The following TFPI variants were observed in gnomAD, a reference collection of about 807,000 sequenced individuals.
The protein encoded by TFPI is tissue factor pathway inhibitor.
TFPI carries 15 observed loss-of-function variants against 34.6 expected under a neutral mutation model. That is an observed-to-expected ratio of 0.43 (90% CI 0.29 to 0.67). The LOEUF (loss-of-function observed/expected upper bound fraction) is 0.67. Among genes scored for constraint, TFPI ranks in the 30% least tolerant of loss-of-function variants. The probability of loss-of-function intolerance (pLI) is 0.15; values close to 1 mark genes in which losing one functional copy is unlikely to be tolerated. For synonymous variants in TFPI, 105 were observed against 120.1 expected, an observed-to-expected ratio of 0.87 and a Z score of 0.82; for missense variants, 301 against 364.0, an observed-to-expected ratio of 0.83 and a Z score of 1.41.
chr2:187,494,912 G>A (rs936218347), intron 3 of TFPI, among the ~76,000 whole-genome samples: 3 of 151,956 alleles, frequency 2.0e-5, no homozygotes, highest in Non-Finnish European at 2.9e-5. Context: ...TAGTAGGGAC[G>A]GAGTTTCACC....
chr2:187,482,456 T>G (rs1229274667), intron 6 of TFPI, among the ~76,000 whole-genome samples: 1 of 152,092 alleles, frequency 6.6e-6, no homozygotes. Flanking sequence ...CACAAAAGTA[T>G]TAATTTTTAC....
chr2:187,495,044 A>G (rs1397693112), intron 3 of TFPI, among the ~76,000 whole-genome samples: 1 of 152,168 alleles, frequency 6.6e-6, no homozygotes, highest in Non-Finnish European at 1.5e-5. Context: ...TTGATAGATA[A>G]TGAGGAGATG....
intron 3 of TFPI, among the ~76,000 whole-genome samples, chr2:187,490,580 T>G (rs1242421425): frequency 6.6e-6 from 1 of 151,654 alleles, no homozygotes; most frequent in African/African-American, 2.4e-5. Flanking sequence ...TTTCTATCCT[T>G]TCACTTTTAA....
chr2:187,522,413 A>G (rs1687428501), intron 1 of TFPI, among the ~76,000 whole-genome samples: 1 of 152,050 alleles, frequency 6.6e-6, no homozygotes, highest in South Asian at 2.1e-4. Flanking sequence ...AGTGGGGAAA[A>G]TAGAGTGCTT....
At chr2:187,490,633 A>C (rs1009346968) in intron 3 of TFPI, among the ~76,000 whole-genome samples, 1 of 151,546 alleles carries the variant, frequency 6.6e-6, no homozygotes, top group Non-Finnish European at 1.5e-5. Context: ...TATAGACAAC[A>C]TGTAGTTAGT....
In TFPI at chr2:187,473,618, G is replaced by A. The variant is rs116354297; in HGVS notation, c.629-5686C>T. 2.0e-3 allele frequency among the ~76,000 whole-genome samples: 297 copies of A among 152,180 alleles called. 2 individuals are homozygous for A. The highest frequency in any genetic ancestry group is 6.8e-3 in the African/African-American group (282 of 41,544). ...CTGAGGTAATAGATAAAAGCCTAGA[G>A]ATTAGAGATTGGAATCTGTTTCTGA... On this transcript the variant is annotated intron_variant, in intron 6 of 7. Transcript: ENST00000233156.
chr2:187,529,394 G>A (rs1400997497), intron 1 of TFPI: 5 of 152,238 alleles, frequency 3.3e-5, no homozygotes, highest in Non-Finnish European at 7.3e-5. Context: ...CCAAGATCAA[G>A]GTGCTGGTCC....
chr2:187,496,936 T>C lies in TFPI; in HGVS notation c.264A>G (p.Glu88=). ...GACTTTCAAATCGATTCTGATTTCC[T>C]TCACATCCCCCATATATAAATTCTT... ...QCEEFIYGGC[E]GNQNRFESLE... Residue 88 remains glutamate (E), a synonymous_variant, in exon 3 of 8, where the codon GAA becomes GAG. Coordinates refer to ENST00000233156, the MANE Select transcript of TFPI (RefSeq NM_006287.6). The C allele has an allele frequency of 6.2e-7, 1 of 1,613,416 alleles. No individual in the cohort carries two copies.
intron 1 of TFPI, among the ~76,000 whole-genome samples, chr2:187,550,653 A>G (rs2106335268): frequency 6.6e-6 from 1 of 152,314 alleles, no homozygotes; most frequent in African/African-American, 2.4e-5. Context: ...GAATTAGCAG[A>G]CAAAAATATT....
At chr2:187,521,348 C>T (rs1161564759) in intron 1 of TFPI, among the ~76,000 whole-genome samples, 4 of 152,090 alleles carry the variant, frequency 2.6e-5, no homozygotes, top group Middle Eastern at 3.4e-3. Context: ...TAAAAAGATA[C>T]TTGAATTGTT....
intron 3 of TFPI, among the ~76,000 whole-genome samples, chr2:187,495,559 A>T (rs1011745866): frequency 1.8e-4 from 27 of 152,198 alleles, no homozygotes; most frequent in Non-Finnish European, 1.6e-4. Context: ...TTAAAGAAAT[A>T]TATTCGTGTC....
chr2:187,473,920 C>T (rs1196547935), intron 6 of TFPI, among the ~76,000 whole-genome samples: 1 of 151,848 alleles, frequency 6.6e-6, no homozygotes, highest in Non-Finnish European at 1.5e-5. Flanking sequence ...GAGTGAAAAC[C>T]TGCCCAGACA....
intron 3 of TFPI, 22 bp from the exon 4 acceptor site, chr2:187,488,397 C>A (rs1693446679): frequency 2.1e-6 from 3 of 1,436,244 alleles, no homozygotes; most frequent in African/African-American, 1.5e-5. Flanking sequence ...AGAATATATG[C>A]ATATCAATTG....
At chr2:187,518,060 A>T (rs1482038345) in intron 1 of TFPI, 2 of 152,212 alleles carry the variant, frequency 1.3e-5, no homozygotes, top group East Asian at 3.9e-4. Flanking sequence ...GGTCTCCTGA[A>T]TAGAGCATAC....
intron 1 of TFPI, among the ~76,000 whole-genome samples, chr2:187,521,091 G>A (rs1687347298): frequency 6.6e-6 from 1 of 151,980 alleles, no homozygotes. Context: ...CTGGGCACTA[G>A]GCATGCTCAT....
intron 1 of TFPI, among the ~76,000 whole-genome samples, chr2:187,522,530 A>C (rs541514479): frequency 6.6e-6 from 1 of 152,048 alleles, no homozygotes; most frequent in East Asian, 1.9e-4. Context: ...TGTGTTTCAA[A>C]ATTTCTTAAG....
chr2:187,485,081 A>G, intron 4 of TFPI, 94 bp from the exon 5 acceptor site: 1 of 937,166 alleles, frequency 1.1e-6, no homozygotes, highest in Non-Finnish European at 1.4e-6. Context: ...TAAGTTATTG[A>G]AGGAGTAAGC....
At chr2:187,483,885 A>C in intron 6 of TFPI, 1 of 467,112 alleles carries the variant, frequency 2.1e-6, no homozygotes, top group Non-Finnish European at 3.7e-6. Context: ...AAAGTTTTTC[A>C]TGTGATACAT....
intron 4 of TFPI, among the ~76,000 whole-genome samples, chr2:187,486,685 T>A (rs1430141752): frequency 6.6e-6 from 1 of 151,598 alleles, no homozygotes; most frequent in African/African-American, 2.4e-5. Flanking sequence ...TAATTTCCCA[T>A]TTTCTTCAGG....
Sources: allele counts gnomAD v4.1 joint callset (sites outside exome capture counted in the v4.1 genomes callset), GRCh38; gene constraint gnomAD v4.1.1; transcripts MANE v1.5; gene names NCBI Gene and HGNC (gene_info 2026-07-23, HGNC 2026-07-21).